CD101: variants seen among roughly 807,000 people sequenced by gnomAD.
The protein encoded by CD101 is CD101 molecule, also known as immunoglobulin superfamily member 2.
CD101 carries 76 observed loss-of-function variants against 98.2 expected under a neutral mutation model. That is an observed-to-expected ratio of 0.77 (90% confidence interval 0.64 to 0.94). CD101 has a LOEUF of 0.94. Ranked by LOEUF, CD101 falls within the 40% of genes least tolerant of loss-of-function variation. The pLI is 0.00. For missense variants in CD101, 1,145 were observed against 1,218.8 expected (o/e 0.94, Z 0.90); for synonymous variants, 471 against 472.7 (o/e 1.00, Z 0.05).
Position 117,023,643 on chromosome 1 carries a change from C to G in CD101, c.2428+1660C>G, listed in dbSNP as rs559971882. Among the ~76,000 whole-genome samples the G allele has an allele frequency of 6.6e-6, 1 of 152,202 alleles. No homozygotes were observed. Among genetic ancestry groups the G allele is most frequent in the Admixed American group, 6.5e-5 (1 of 15,286 alleles). On this transcript the variant is annotated intron_variant, in intron 7 of 9. Coordinates refer to ENST00000682167, the MANE Select transcript of CD101 (RefSeq NM_001256106.3). This position sits in a 1 kb window ranked among gnomAD's most constrained non-coding sequence, Gnocchi z 4.4. ...TGTTGCTCAGGCTGGTCTTGAACTC[C>G]TGACCTCAGGTGATCCACCTGCCTT... is the stretch of plus-strand genomic sequence containing the variant.
rs1557773843 is a variant in CD101 at position 117,021,669 on chromosome 1, G to A, written c.2114G>A (p.Gly705Glu). The A allele has an allele frequency of 1.2e-6, 2 of 1,614,092 alleles. No homozygotes were observed. Among genetic ancestry groups the A allele is most frequent in the South Asian group, 2.2e-5 (2 of 91,082 alleles). The part of the protein sequence containing the change: ...IECSILSRSN[G>E]NLQLAIIWYF... ...TGTAGCATCTTGTCCCGGTCCAATG[G>A]AAACCTTCAGTTAGCCATTATTTGG... Residue 705 changes from glycine (G) to glutamate (E), a missense_variant, in exon 7 of 10, where the codon GGA becomes GAA. Coordinates refer to ENST00000682167, the MANE Select transcript of CD101 (RefSeq NM_001256106.3). The surrounding 1 kb of genome is among the most constrained non-coding windows in gnomAD (Gnocchi z 4.7).
At chr1:117,028,029 G>A (rs1557777906) in intron 8 of CD101, among the ~76,000 whole-genome samples, 1 of 152,076 alleles carries the variant, frequency 6.6e-6, no homozygotes, top group Non-Finnish European at 1.5e-5. Flanking sequence ...AGGTTGCGGT[G>A]AGCCGAGATC....
chr1:117,005,994 G>T lies in CD101; in HGVS notation c.44-3856G>T, dbSNP rs1652504316. Among the ~76,000 whole-genome samples the T allele has an allele frequency of 6.6e-6, 1 of 151,886 alleles. No individual in the cohort carries two copies. Among genetic ancestry groups the T allele is most frequent in the African/African-American group, 2.4e-5 (1 of 41,346 alleles). ...TATATTTAAATATTTCAAAATGTTT[G>T]CTGGATATCCTTCCTGTCTATTCCA... is the stretch of plus-strand genomic sequence containing the variant. On this transcript the variant is annotated intron_variant, in intron 1 of 9. Coordinates refer to ENST00000682167, the MANE Select transcript of CD101 (RefSeq NM_001256106.3). This position sits in a 1 kb window ranked among gnomAD's most constrained non-coding sequence, Gnocchi z 4.4.
rs142818844 is a variant in CD101 at position 117,021,659 on chromosome 1, C to T, written c.2104C>T (p.Arg702Trp). 26 of 1,613,954 alleles carry T rather than the reference C, an allele frequency of 1.6e-5. No individual in the cohort carries two copies. The highest frequency in any genetic ancestry group is 6.7e-5 in the Admixed American group (4 of 60,012). The change falls in exon 7 of 10, where the codon CGG (arginine) becomes TGG (tryptophan). Residue 702 changes from arginine to tryptophan, a missense_variant. Arg to Trp is a moderately radical substitution (Grantham distance 101, BLOSUM62 -3). Transcript: ENST00000682167. This position sits in a 1 kb window ranked among gnomAD's most constrained non-coding sequence, Gnocchi z 4.7. ...TGATATAGAATGTAGCATCTTGTCC[C>T]GGTCCAATGGAAACCTTCAGTTAGC... ...NTDIECSILS[R>W]SNGNLQLAII...
intron 6 of CD101, among the ~76,000 whole-genome samples, chr1:117,020,280 C>G (rs528503737): frequency 1.3e-5 from 2 of 152,256 alleles, no homozygotes; most frequent in East Asian, 3.9e-4. Flanking sequence ...TGTGGTGGCT[C>G]ACACCTGTAA....
Position 117,018,600 on chromosome 1 carries a change from A to T in CD101, c.2017+40A>T. ...AAATTAATCCCTGTTTTAAAAACAAACAAATAGCAATCCTCCCATTTTGGG... is the reference window on the plus strand; with the variant it reads ...AAATTAATCCCTGTTTTAAAAACAATCAAATAGCAATCCTCCCATTTTGGG... On this transcript the variant is annotated intron_variant, in intron 6 of 9. Coordinates refer to ENST00000682167, the MANE Select transcript of CD101 (RefSeq NM_001256106.3). The surrounding 1 kb of genome is among the most constrained non-coding windows in gnomAD (Gnocchi z 4.3). 5 of 1,516,324 alleles carry T rather than the reference A, an allele frequency of 3.3e-6. No individual in the cohort carries two copies. Among genetic ancestry groups the T allele is most frequent in the Non-Finnish European group, 4.4e-6 (5 of 1,127,402 alleles). The allele number at this position is 1,516,324 out of a possible 1,614,324, so 93.9% of individuals were successfully genotyped here. A position where few individuals can be genotyped will look rare whatever the true frequency, so the allele number is the denominator to read the frequency against.
intron 3 of CD101, 78 bp from the exon 4 acceptor site, chr1:117,013,328 A>T: frequency 4.1e-6 from 6 of 1,456,406 alleles, no homozygotes; most frequent in Non-Finnish European, 5.6e-6. Context: ...ATCCTTACAG[A>T]GGGTGTCATC....
In CD101 at chr1:117,021,980, A is replaced by G; in HGVS notation, c.2425A>G (p.Thr809Ala). 1.2e-6 allele frequency: 2 copies of G among 1,602,894 alleles called. No homozygotes were observed. Among genetic ancestry groups the G allele is most frequent in the Non-Finnish European group, 1.7e-6 (2 of 1,175,364 alleles). The change falls in exon 7 of 10, where the codon ACA becomes GCA. Residue 809 changes from threonine to alanine, a missense_variant. By Grantham distance (58) the Thr-to-Ala change is moderately conservative (BLOSUM62 0). Coordinates refer to ENST00000682167, the MANE Select transcript of CD101 (RefSeq NM_001256106.3). This position sits in a 1 kb window ranked among gnomAD's most constrained non-coding sequence, Gnocchi z 4.7. ...SGLTELKLKP[T>A]GSKVRVSKVY... is the part of the protein sequence containing the mutation. ...ACTAACAGAATTGAAACTCAAGCCC[A>G]CAGGTAAACCTTGCGAGTGTATCCT...
intron 8 of CD101, among the ~76,000 whole-genome samples, chr1:117,029,188 AAAG>A (rs1188463500): frequency 3.9e-5 from 3 of 76,024 alleles, no homozygotes; most frequent in African/African-American, 1.2e-4. Flanking sequence ...AGAAAGAAAG[AAAG>A]AAAGAAAGAA....
At chr1:117,031,991 T>G (rs879803298) in intron 8 of CD101, 5 of 152,134 alleles carry the variant, frequency 3.3e-5, no homozygotes, top group Non-Finnish European at 5.9e-5. Flanking sequence ...GGCCTTCAAA[T>G]GTACTCAGAT....
In CD101 at chr1:117,010,060, A is replaced by G; in HGVS notation, c.254A>G (p.Tyr85Cys). Residue 85 changes from tyrosine to cysteine, a missense_variant, in exon 2 of 10, where the codon TAT (tyrosine) becomes TGT (cysteine). Tyr to Cys is a radical substitution (Grantham distance 194). Coordinates refer to ENST00000682167, the MANE Select transcript of CD101 (RefSeq NM_001256106.3). The surrounding 1 kb of genome is among the most constrained non-coding windows in gnomAD (Gnocchi z 5.2). The part of the protein sequence containing the change: ...TKDAAFSYAV[Y>C]TQRVRSGDVY... ...GATGCTGCCTTCTCTTACGCAGTAT[A>G]TACGCAGCGGGTGCGAAGCGGAGAC... is the stretch of plus-strand genomic sequence containing the variant. The G allele has an allele frequency of 1.2e-6, 2 of 1,614,238 alleles. No individual in the cohort carries two copies. Among genetic ancestry groups the G allele is most frequent in the Non-Finnish European group, 1.7e-6 (2 of 1,180,036 alleles).
rs17235773 is a variant in CD101, at chr1:117,017,436, C to G, written c.1575C>G (p.Ser525Arg). 0.06 allele frequency: 96,826 copies of G among 1,613,460 alleles called. 3,270 individuals carry two copies. The highest frequency in any genetic ancestry group is 0.067 in the Non-Finnish European group (79,042 of 1,179,466). The change falls in exon 5 of 10, where the codon AGC becomes AGG. Residue 525 changes from serine (S) to arginine (R), a missense_variant. Ser to Arg is a moderately radical substitution (Grantham distance 110). Coordinates refer to ENST00000682167, the MANE Select transcript of CD101 (RefSeq NM_001256106.3). ...EKSRNQARDLSWTQKISVTVK... is the reference protein window; with the variant it reads ...EKSRNQARDLRWTQKISVTVK... ...CTCGGAACCAGGCCAGAGATCTGAG[C>G]TGGACTCAGAAGATTTCAGTTACTG... is the stretch of plus-strand genomic sequence containing the variant.
intron 1 of CD101, among the ~76,000 whole-genome samples, chr1:117,002,295 A>C (rs1361055856): frequency 6.6e-6 from 1 of 152,252 alleles, no homozygotes. Context: ...TTATGAAAGT[A>C]CTTAGTAGTT....
rs1364006989 is a variant in CD101, at chr1:117,023,834, G to C, written c.2429-1675G>C. On this transcript the variant is annotated intron_variant, in intron 7 of 9. Transcript: ENST00000682167. This position sits in a 1 kb window ranked among gnomAD's most constrained non-coding sequence, Gnocchi z 4.4. ...CAAGTTAACCAAGAGGCCCCAGAAAGATGCTGAGAATGACTGGTCAGAGTT... is the reference window on the plus strand; with the variant it reads ...CAAGTTAACCAAGAGGCCCCAGAAACATGCTGAGAATGACTGGTCAGAGTT... 1.3e-5 allele frequency among the ~76,000 whole-genome samples: 2 copies of C among 152,142 alleles called. No homozygotes were observed. The highest frequency in any genetic ancestry group is 4.8e-5 in the African/African-American group (2 of 41,418).
rs1222719115 is a variant in CD101 at position 117,012,583 on chromosome 1, AT to A, written c.841+624del. Among the ~76,000 whole-genome samples the A allele has an allele frequency of 2.0e-5, 3 of 151,964 alleles. No individual in the cohort carries two copies. The highest frequency in any genetic ancestry group is 4.4e-5 in the Non-Finnish European group (3 of 68,012). ...TTTTTATTATTTTTTTAATTTTTAA[AT>A]TTTTTTAAGGACAGGATCTTGCTAT... On this transcript the variant is annotated intron_variant, in intron 3 of 9. Coordinates refer to ENST00000682167, the MANE Select transcript of CD101 (RefSeq NM_001256106.3). The surrounding 1 kb of genome is among the most constrained non-coding windows in gnomAD (Gnocchi z 4.0).
intron 8 of CD101, among the ~76,000 whole-genome samples, chr1:117,031,540 A>G (rs1034193029): frequency 3.3e-5 from 5 of 152,238 alleles, no homozygotes; most frequent in African/African-American, 7.2e-5. Context: ...CTGTGGAGGA[A>G]GATGGCCAAG....
At position 117,018,361 on chromosome 1, in the gene CD101, C is replaced by G. The variant is rs771369169; in HGVS notation, c.1818C>G (p.Phe606Leu). 7 of 1,614,044 alleles carry G rather than the reference C, an allele frequency of 4.3e-6. No homozygotes were observed. The East Asian group carries it at 1.6e-4, about 36-fold the overall frequency. ...THNGTIEWGN[F>L]LSRFQKKTKV... ...ATGGCACTATTGAATGGGGGAATTTCCTATCCCGGTTCCAAAAGAAGACGA... is the reference window on the plus strand; with the variant it reads ...ATGGCACTATTGAATGGGGGAATTTGCTATCCCGGTTCCAAAAGAAGACGA... Residue 606 changes from phenylalanine (F) to leucine (L), a missense_variant, in exon 6 of 10, where the codon TTC becomes TTG. Transcript: ENST00000682167. The surrounding 1 kb of genome is among the most constrained non-coding windows in gnomAD (Gnocchi z 4.3).
chr1:117,034,047 T>C lies in CD101; in HGVS notation c.3012T>C (p.Ala1004=), dbSNP rs770964428. 18 of 1,614,150 alleles carry C rather than the reference T, an allele frequency of 1.1e-5. No individual in the cohort carries two copies. The highest frequency in any genetic ancestry group is 1.7e-5 in the Admixed American group (1 of 60,022). The change falls in exon 9 of 10, where the codon GCT becomes GCC. Residue 1004 remains alanine, a synonymous_variant. Transcript: ENST00000682167. ...EKALWVDLKE[A]GGVTTNRRED... Reference sequence around the variant, plus strand: ...CTCTCTGGGTGGACTTGAAAGAGGCTGGAGGTGTGACCACAAATAGGAGGG... The same window carrying C: ...CTCTCTGGGTGGACTTGAAAGAGGCCGGAGGTGTGACCACAAATAGGAGGG...
At chr1:117,026,264 C>A in intron 8 of CD101, 1 of 199,832 alleles carries the variant, frequency 5.0e-6, no homozygotes, top group East Asian at 1.2e-4. Context: ...CCAGGAAGCA[C>A]AAAGGGAAAA....
Sources: allele counts gnomAD v4.1 joint callset (sites outside exome capture counted in the v4.1 genomes callset), GRCh38; gene constraint gnomAD v4.1.1; non-coding constraint Gnocchi (gnomAD v3.1); transcripts MANE v1.5; gene names NCBI Gene and HGNC (gene_info 2026-07-23, HGNC 2026-07-21).